The following ADAMTSL1 variants were observed in gnomAD, a reference collection of about 807,000 sequenced individuals.
ADAMTSL1 encodes ADAMTS-like protein 1.
Under a neutral mutation model 201.8 loss-of-function variants are expected in ADAMTSL1, and 126 were observed. The observed-to-expected ratio is 0.62, with a 90% confidence interval of 0.54 to 0.72. The LOEUF is 0.72. Among genes scored for constraint, ADAMTSL1 ranks in the 30% least tolerant of loss-of-function variants. The pLI is 0.00. For missense variants in ADAMTSL1, 2,679 were observed against 2,277.8 expected, an observed-to-expected ratio of 1.18 and a Z score of -3.59; for synonymous variants, 1,121 against 903.4, an observed-to-expected ratio of 1.24 and a Z score of -4.32.
In ADAMTSL1 at chr9:18,662,035, C is replaced by G. The variant is rs771820042; in HGVS notation, c.1047C>G (p.Pro349=). 66 of 1,613,890 alleles carry G rather than the reference C, an allele frequency of 4.1e-5. No homozygotes were observed. Among genetic ancestry groups the G allele is most frequent in the Non-Finnish European group, 5.2e-5 (61 of 1,179,936 alleles). The change falls in exon 9 of 29, where the codon CCC becomes CCG. Residue 349 remains proline, a synonymous_variant. Coordinates refer to ENST00000380548, the MANE Select transcript of ADAMTSL1 (RefSeq NM_001040272.6). ...HYYPENIKPK[P]KLQECNLDPC... ...ACCCAGAGAACATCAAACCCAAACCCAAGCTTCAGGAGTGCAACTTGGATC... is the reference window on the plus strand; with the variant it reads ...ACCCAGAGAACATCAAACCCAAACCGAAGCTTCAGGAGTGCAACTTGGATC...
intron 2 of ADAMTSL1, among the ~76,000 whole-genome samples, chr9:18,252,353 C>T (rs565515393): frequency 6.6e-6 from 1 of 152,198 alleles, no homozygotes; most frequent in East Asian, 1.9e-4. Context: ...AAATCAAACT[C>T]AAAATGAGAT....
At chr9:18,761,652 A>C (rs1054157064) in intron 16 of ADAMTSL1, among the ~76,000 whole-genome samples, 1 of 151,964 alleles carries the variant, frequency 6.6e-6, no homozygotes, top group Admixed American at 6.6e-5. Context: ...TTTTCTTTGC[A>C]TCCTGCCTCT....
intron 7 of ADAMTSL1, among the ~76,000 whole-genome samples, chr9:18,644,348 G>A (rs538968379): frequency 6.6e-6 from 1 of 151,470 alleles, no homozygotes; most frequent in Non-Finnish European, 1.5e-5. Flanking sequence ...ATGGCCACTT[G>A]TCAGTATCTC....
At chr9:17,954,566 C>T (rs547403127) in intron 1 of ADAMTSL1, among the ~76,000 whole-genome samples, 1 of 152,250 alleles carries the variant, frequency 6.6e-6, no homozygotes, top group South Asian at 2.1e-4. Flanking sequence ...AACTTAGTTA[C>T]TGATAAAAAG....
intron 1 of ADAMTSL1, among the ~76,000 whole-genome samples, chr9:17,985,846 C>T (rs1818907494): frequency 6.6e-6 from 1 of 152,098 alleles, no homozygotes; most frequent in Non-Finnish European, 1.5e-5. Flanking sequence ...ATTGTAGGCA[C>T]AAACCTCCTC....
intron 1 of ADAMTSL1, among the ~76,000 whole-genome samples, chr9:18,155,219 A>T (rs1050757659): frequency 2.0e-5 from 3 of 152,086 alleles, no homozygotes; most frequent in African/African-American, 7.2e-5. Flanking sequence ...AAACAATGTG[A>T]GTTAGATTGC....
chr9:18,850,905 A>T (rs1826451610), intron 23 of ADAMTSL1, among the ~76,000 whole-genome samples: 1 of 152,240 alleles, frequency 6.6e-6, no homozygotes, highest in Non-Finnish European at 1.5e-5. Flanking sequence ...CACCCAGCTC[A>T]CAGAACTAAT....
At chr9:18,091,390 T>G (rs949571628) in intron 1 of ADAMTSL1, among the ~76,000 whole-genome samples, 2 of 152,208 alleles carry the variant, frequency 1.3e-5, no homozygotes, top group Non-Finnish European at 2.9e-5. Context: ...GGCAAGTCTT[T>G]GAATTAATAA....
chr9:18,715,205 C>G (rs1564175223), intron 14 of ADAMTSL1, among the ~76,000 whole-genome samples: 2 of 149,498 alleles, frequency 1.3e-5, no homozygotes, highest in African/African-American at 4.9e-5. Flanking sequence ...TCTCACCACT[C>G]CTATTCAACA....
Position 18,254,345 on chromosome 9 carries a change from G to GTTTTTTTTTTTTTTTTTTTT in ADAMTSL1, c.207+90380_207+90399dup, listed in dbSNP as rs59026505. 1.4e-4 allele frequency among the ~76,000 whole-genome samples: 7 copies of GTTTTTTTTTTTTTTTTTTTT among 49,330 alleles called. 2 individuals are homozygous for GTTTTTTTTTTTTTTTTTTTT. The highest frequency in any genetic ancestry group is 2.4e-4 in the Non-Finnish European group (7 of 28,708). The allele number at this position is 49,330 out of a possible 152,430, so 32.4% of individuals were successfully genotyped here. A position where few individuals can be genotyped will look rare whatever the true frequency, so the allele number is the denominator to read the frequency against. ...GGAACTACCGTCAATACTCTTTTTG[G>GTTTTTTTTTTTTTTTTTTTT]TTTTTTTTTTTTTTTTTTTTTTTTT... is the stretch of plus-strand genomic sequence containing the variant. On this transcript the variant is annotated intron_variant, in intron 2 of 29. Coordinates refer to the ADAMTSL1 transcript ENST00000680146.
At chr9:18,573,971 T>C in intron 3 of ADAMTSL1, 59 bp from the exon 4 acceptor site, 2 of 1,417,814 alleles carry the variant, frequency 1.4e-6, no homozygotes, top group Non-Finnish European at 2.0e-6. Flanking sequence ...GCTGCTCTGG[T>C]TTCATGTTTG....
chr9:18,036,918 C>G (rs141113717), intron 1 of ADAMTSL1, among the ~76,000 whole-genome samples: 1 of 152,294 alleles, frequency 6.6e-6, no homozygotes, highest in East Asian at 1.9e-4. Flanking sequence ...ACACCCTACC[C>G]TCACTATTAC....
intron 2 of ADAMTSL1, among the ~76,000 whole-genome samples, chr9:18,300,649 C>T (rs557660744): frequency 5.3e-5 from 8 of 152,066 alleles, no homozygotes; most frequent in African/African-American, 1.4e-4. Context: ...TTTCTAAAGC[C>T]GCTCTTCATG....
chr9:18,610,191 G>A (rs1426362712), intron 4 of ADAMTSL1, among the ~76,000 whole-genome samples: 1 of 152,168 alleles, frequency 6.6e-6, no homozygotes. Flanking sequence ...AAAGTTTATG[G>A]TAGAACTGGG....
chr9:18,584,423 G>A (rs1823341451), intron 4 of ADAMTSL1, among the ~76,000 whole-genome samples: 1 of 151,960 alleles, frequency 6.6e-6, no homozygotes, highest in Non-Finnish European at 1.5e-5. Context: ...TTTGTAAATT[G>A]CTCAGTCTCA....
chr9:18,606,038 T>C (rs1824990202), intron 4 of ADAMTSL1, among the ~76,000 whole-genome samples: 2 of 152,172 alleles, frequency 1.3e-5, no homozygotes, highest in African/African-American at 4.8e-5. Flanking sequence ...TCATGATTGC[T>C]GGCTTTTGGC....
At chr9:18,301,572 A>G (rs1441502336) in intron 2 of ADAMTSL1, among the ~76,000 whole-genome samples, 2 of 152,192 alleles carry the variant, frequency 1.3e-5, no homozygotes, top group South Asian at 2.1e-4. Flanking sequence ...AATTATGACA[A>G]TACACTATAA....
At chr9:18,275,562 G>T (rs1229237747) in intron 2 of ADAMTSL1, among the ~76,000 whole-genome samples, 3 of 151,768 alleles carry the variant, frequency 2.0e-5, no homozygotes, top group East Asian at 3.9e-4. Context: ...GGTTTTTTTT[G>T]CCACTACAGA....
chr9:18,747,953 G>A (rs1819242128), intron 15 of ADAMTSL1, among the ~76,000 whole-genome samples: 1 of 152,182 alleles, frequency 6.6e-6, no homozygotes, highest in Admixed American at 6.5e-5. Context: ...ACTTGAGGCT[G>A]GGCAAAGGGC....
Sources: allele counts gnomAD v4.1 joint callset (sites outside exome capture counted in the v4.1 genomes callset), GRCh38; gene constraint gnomAD v4.1.1; transcripts MANE v1.5; gene names NCBI Gene and HGNC (gene_info 2026-07-23, HGNC 2026-07-21).